Variants in NTMT2 observed in about 807,000 individuals in gnomAD.
NTMT2 encodes N-terminal Xaa-Pro-Lys N-methyltransferase 2, also known as X-Pro-Lys N-terminal protein methyltransferase 1B.
In NTMT2, 21 loss-of-function variants were observed where a neutral mutation model predicts 23.4. The observed-to-expected ratio is 0.90, with a 90% CI of 0.64 to 1.29. The LOEUF is 1.29. NTMT2 is among the 50% of genes most tolerant of loss of function. The pLI, the probability that NTMT2 is intolerant of heterozygous loss-of-function variation, is 0.00. For missense variants in NTMT2, 336 were observed against 352.0 expected (o/e 0.95, Z 0.36); for synonymous variants, 131 against 127.7 (o/e 1.03, Z -0.17).
chr1:170,167,430 T>G (rs1673415989), intron 3 of NTMT2, 56 bp from the exon 4 acceptor site: 1 of 1,454,992 alleles, frequency 6.9e-7, no homozygotes, highest in Admixed American at 2.2e-5. Context: ...CCTACTCACC[T>G]TCCATCCTCC....
At chr1:170,149,069 T>G (rs577978573) in intron 1 of NTMT2, among the ~76,000 whole-genome samples, 105 of 152,380 alleles carry the variant, frequency 6.9e-4, no homozygotes, top group African/African-American at 2.4e-3. Flanking sequence ...TCAGTCATAT[T>G]CAATGTAAGA....
chr1:170,166,500 A>T lies in NTMT2; in HGVS notation c.331-2A>T, dbSNP rs1673389945. ...TTGAAATATCAAGGTGCCTTTCTGCAGGGGCCTGGGAGAGCTGGAACAGAC... is the reference window on the plus strand; with the variant it reads ...TTGAAATATCAAGGTGCCTTTCTGCTGGGGCCTGGGAGAGCTGGAACAGAC... On this transcript the variant is annotated splice_acceptor_variant, in intron 2 of 3. Transcript: ENST00000439373. LOFTEE classifies it high-confidence loss of function. 1 of 1,552,124 alleles carries T rather than the reference A, an allele frequency of 6.4e-7. No individual in the cohort carries two copies. Among genetic ancestry groups the T allele is most frequent in the South Asian group, 1.2e-5 (1 of 84,058 alleles).
rs1028395644 is a variant in NTMT2 at position 170,156,729 on chromosome 1, C to CT, written c.155-3777dup. Among the ~76,000 whole-genome samples, 264 of 144,672 alleles carry CT rather than the reference C, an allele frequency of 1.8e-3. 1 individual carries two copies. The highest frequency in any genetic ancestry group is 3.5e-3 in the Middle Eastern group (1 of 282). The allele number at this position is 144,672 out of a possible 152,430, so 94.9% of individuals were successfully genotyped here. Reference sequence around the variant, plus strand: ...GGGCCGAACATGACACCTCATATATCTTTTTTTTTTTTAGTGAAATGCTGC... The same window carrying CT: ...GGGCCGAACATGACACCTCATATATCTTTTTTTTTTTTTAGTGAAATGCTGC... On this transcript the variant is annotated intron_variant, in intron 1 of 3. Coordinates refer to ENST00000439373, the MANE Select transcript of NTMT2 (RefSeq NM_001136107.2).
At chr1:170,154,886 T>G (rs1571820302) in intron 1 of NTMT2, among the ~76,000 whole-genome samples, 1 of 152,242 alleles carries the variant, frequency 6.6e-6, no homozygotes, top group Non-Finnish European at 1.5e-5. Context: ...TAATCCCCAA[T>G]GTTAGAAGTG....
In NTMT2 at chr1:170,165,839, ATT is replaced by A. The variant is rs3040075; in HGVS notation, c.331-650_331-649del. On this transcript the variant is annotated intron_variant, in intron 2 of 3. Coordinates refer to ENST00000439373, the MANE Select transcript of NTMT2 (RefSeq NM_001136107.2). Reference sequence around the variant, plus strand: ...ATCTTCATAGGGCTAGCAATGGCTCATTTTTTTTTTTTTTGGAGAAAATTACC... The same window carrying A: ...ATCTTCATAGGGCTAGCAATGGCTCATTTTTTTTTTTTGGAGAAAATTACC... Among the ~76,000 whole-genome samples the A allele has an allele frequency of 1.2e-3, 174 of 146,034 alleles. 1 individual carries two copies. Among genetic ancestry groups the A allele is most frequent in the Non-Finnish European group, 7.5e-4 (50 of 66,590 alleles).
At chr1:170,153,527 C>T (rs191173676) in intron 1 of NTMT2, among the ~76,000 whole-genome samples, 146 of 152,294 alleles carry the variant, frequency 9.6e-4, no homozygotes, top group Middle Eastern at 6.8e-3. Context: ...GGAGGTGGAG[C>T]AAAGATCACC....
At chr1:170,149,822 T>C (rs901782769) in intron 1 of NTMT2, among the ~76,000 whole-genome samples, 1 of 152,234 alleles carries the variant, frequency 6.6e-6, no homozygotes, top group East Asian at 1.9e-4. Context: ...AGGCCTCTTT[T>C]AAAGTCACCA....
intron 2 of NTMT2, among the ~76,000 whole-genome samples, chr1:170,164,852 T>C (rs1210008488): frequency 6.6e-6 from 1 of 152,216 alleles, no homozygotes; most frequent in Non-Finnish European, 1.5e-5. Flanking sequence ...ATCTATATTG[T>C]GGAGTTTTCT....
chr1:170,158,864 A>G (rs1020938633), intron 1 of NTMT2, among the ~76,000 whole-genome samples: 2 of 151,970 alleles, frequency 1.3e-5, no homozygotes, highest in African/African-American at 2.4e-5. Context: ...TTTTCTTGGA[A>G]TCTTATCTTT....
chr1:170,158,041 G>T (rs538354488), intron 1 of NTMT2: 21 of 152,130 alleles, frequency 1.4e-4, no homozygotes, highest in Admixed American at 3.9e-4. Flanking sequence ...CTTTCATCGT[G>T]CATCTTCTCT....
intron 2 of NTMT2, among the ~76,000 whole-genome samples, chr1:170,161,385 T>C (rs1233721642): frequency 6.6e-6 from 1 of 152,150 alleles, no homozygotes; most frequent in Non-Finnish European, 1.5e-5. Context: ...ATTTTATACA[T>C]AGTTTTGATT....
At chr1:170,149,161 A>G (rs901545214) in intron 1 of NTMT2, among the ~76,000 whole-genome samples, 3 of 152,260 alleles carry the variant, frequency 2.0e-5, no homozygotes, top group African/African-American at 7.2e-5. Flanking sequence ...TCCATTCTTC[A>G]GGATTTTATA....
intron 2 of NTMT2, among the ~76,000 whole-genome samples, chr1:170,166,140 C>CTTTTTTTTTTTTTTTTT (rs3040077): frequency 2.0e-3 from 139 of 67,816 alleles, no homozygotes; most frequent in African/African-American, 2.3e-3. Context: ...TTTTTTTTTT[C>CTTTTTTTTTTTTTTTTT]TTTTTTTTTT....
chr1:170,166,708 C>A lies in NTMT2; in HGVS notation c.537C>A (p.Pro179=). 1 of 1,552,270 alleles carries A rather than the reference C, an allele frequency of 6.4e-7. No homozygotes were observed. The highest frequency in any genetic ancestry group is 1.2e-5 in the South Asian group (1 of 84,056). ...GCTACAGCCTGCAGGAATTCACACC[C>A]CCCTTCAGGAGATATGATGTCATCT... ...YHCYSLQEFT[P]PFRRYDVIWI... is the part of the protein sequence containing the mutation. Residue 179 remains proline (P), a synonymous_variant, in exon 3 of 4, where the codon CCC becomes CCA. Coordinates refer to ENST00000439373, the MANE Select transcript of NTMT2 (RefSeq NM_001136107.2).
intron 2 of NTMT2, among the ~76,000 whole-genome samples, chr1:170,162,059 C>T (rs1262659132): frequency 1.3e-5 from 2 of 152,204 alleles, no homozygotes; most frequent in Non-Finnish European, 2.9e-5. Context: ...CAGTGCATTC[C>T]AGCCTGGGTG....
chr1:170,155,127 C>T (rs564647400), intron 1 of NTMT2, among the ~76,000 whole-genome samples: 2 of 152,248 alleles, frequency 1.3e-5, no homozygotes, highest in East Asian at 3.9e-4. Context: ...CGCCATGCTT[C>T]TTGTACAGTC....
intron 2 of NTMT2, among the ~76,000 whole-genome samples, chr1:170,160,967 T>C (rs1303634705): frequency 6.6e-6 from 1 of 152,218 alleles, no homozygotes; most frequent in Non-Finnish European, 1.5e-5. Context: ...GCAGTGTTGA[T>C]ATAAAATTTG....
chr1:170,153,531 G>T (rs1010922706), intron 1 of NTMT2, among the ~76,000 whole-genome samples: 3 of 152,210 alleles, frequency 2.0e-5, no homozygotes, highest in Non-Finnish European at 2.9e-5. Flanking sequence ...GTGGAGCAAA[G>T]ATCACCCTTG....
Position 170,167,828 on chromosome 1 carries a change from C to G in NTMT2, c.*71C>G, listed in dbSNP as rs886667810. ...GATGGGGTTGCTATCCTTCCAGGTGCCCCTTGTAATGCAGATAGGGATGGC... is the reference window on the plus strand; with the variant it reads ...GATGGGGTTGCTATCCTTCCAGGTGGCCCTTGTAATGCAGATAGGGATGGC... On this transcript the variant is annotated 3_prime_UTR_variant, in exon 4 of 4. Coordinates refer to ENST00000439373, the MANE Select transcript of NTMT2 (RefSeq NM_001136107.2). 7 of 1,457,386 alleles carry G rather than the reference C, an allele frequency of 4.8e-6. No homozygotes were observed. The African/African-American group carries it at 8.5e-5, about 18-fold the overall frequency. The allele number at this position is 1,457,386 out of a possible 1,614,324, so 90.3% of individuals were successfully genotyped here. A position where few individuals can be genotyped will look rare whatever the true frequency, so the allele number is the denominator to read the frequency against.
Sources: gnomAD v4.1 joint callset for allele counts (sites outside exome capture counted in the v4.1 genomes callset) on GRCh38, gnomAD v4.1.1 for gene constraint, MANE v1.5 for transcripts, NCBI Gene and HGNC (gene_info 2026-07-23, HGNC 2026-07-21) for gene names.